RBFOX3: variants seen among roughly 807,000 people sequenced by gnomAD.
RBFOX3 encodes RNA binding fox-1 homolog 3.
Under a neutral mutation model 48.7 loss-of-function variants are expected in RBFOX3, and 17 were observed. The ratio of observed to expected loss-of-function variants is 0.35; its 90% CI spans 0.24 to 0.52. The LOEUF is 0.52. Among genes scored for constraint, RBFOX3 ranks in the 20% least tolerant of loss-of-function variants. The pLI is 0.94. For synonymous variants in RBFOX3, 212 were observed against 209.5 expected (o/e 1.01, Z -0.10); for missense variants, 382 against 497.5 (o/e 0.77, Z 2.21).
At position 79,198,043 on chromosome 17, in the gene RBFOX3, T is replaced by C. The variant is rs775187559; in HGVS notation, c.-34+37723A>G. 3.3e-5 allele frequency among the ~76,000 whole-genome samples: 5 copies of C among 151,248 alleles called. No individual in the cohort carries two copies. Among genetic ancestry groups the C allele is most frequent in the Non-Finnish European group, 7.4e-5 (5 of 67,972 alleles). ...AGTGAATCCATCCCGAGTGCCTCTG[T>C]CTGCGTCAGGAGAGTCGTGTGGGGT... On this transcript the variant is annotated intron_variant, in intron 4 of 14. Transcript: ENST00000693108. The surrounding 1 kb of genome is among the most constrained non-coding windows in gnomAD (Gnocchi z 8.2).
chr17:79,610,589 G>A (rs2093950634), intron 1 of RBFOX3, among the ~76,000 whole-genome samples: 1 of 151,962 alleles, frequency 6.6e-6, no homozygotes, highest in South Asian at 2.1e-4. Flanking sequence ...GCCGGACAGA[G>A]CGTCCAGACC....
At chr17:79,461,523 T>C (rs880003074) in intron 2 of RBFOX3, among the ~76,000 whole-genome samples, 3 of 152,234 alleles carry the variant, frequency 2.0e-5, no homozygotes, top group Non-Finnish European at 2.9e-5. Context: ...CTACATCTTA[T>C]CCTTTCTATG....
At chr17:79,216,152 G>A (rs2059012951) in intron 4 of RBFOX3, among the ~76,000 whole-genome samples, 1 of 152,266 alleles carries the variant, frequency 6.6e-6, no homozygotes, top group African/African-American at 2.4e-5. Context: ...TTGGTGACCT[G>A]GATATGTCAC....
At position 79,138,826 on chromosome 17, in the gene RBFOX3, C is replaced by CCCACACACATGCGTTCACACCCCCTT. The variant is rs1568207151; in HGVS notation, c.-33-23079_-33-23078insAAGGGGGTGTGAACGCATGTGTGTGG. Among the ~76,000 whole-genome samples, 8 of 128,714 alleles carry CCCACACACATGCGTTCACACCCCCTT rather than the reference C, an allele frequency of 6.2e-5. No homozygotes were observed. In the South Asian group the frequency reaches 2.4e-3, roughly 39 times the overall value. 84.4% of individuals were successfully genotyped at this position (128,714 alleles called of 152,430 possible). On this transcript the variant is annotated intron_variant, in intron 4 of 14. Coordinates refer to ENST00000693108, the MANE Select transcript of RBFOX3 (RefSeq NM_001350451.2). ...CCACACACATGCGTTCACACCCCCTCACCCACACACATGCACACAGCACAT... is the reference window on the plus strand; with the variant it reads ...CCACACACATGCGTTCACACCCCCTCCCACACACATGCGTTCACACCCCCTTACCCACACACATGCACACAGCACAT...
In RBFOX3 at chr17:79,151,986, C is replaced by A; in HGVS notation, c.-33-36238G>T. Reference sequence around the variant, plus strand: ...AGGGGGAGCTCCCACATCCCCCATCCCCAAGGCCCCCTGTCCCGCAGGGGA... The same window carrying A: ...AGGGGGAGCTCCCACATCCCCCATCACCAAGGCCCCCTGTCCCGCAGGGGA... On this transcript the variant is annotated intron_variant, in intron 4 of 14. Coordinates refer to ENST00000693108, the MANE Select transcript of RBFOX3 (RefSeq NM_001350451.2). 1.3e-5 allele frequency among the ~76,000 whole-genome samples: 2 copies of A among 151,326 alleles called. 1 individual carries two copies. The highest frequency in any genetic ancestry group is 3.0e-5 in the Non-Finnish European group (2 of 67,728).
chr17:79,538,978 G>A (rs373096978), intron 1 of RBFOX3, among the ~76,000 whole-genome samples: 24 of 152,106 alleles, frequency 1.6e-4, no homozygotes, highest in African/African-American at 5.1e-4. Flanking sequence ...GTAAACACAC[G>A]AAAAATACTC....
intron 3 of RBFOX3, among the ~76,000 whole-genome samples, chr17:79,264,975 G>C (rs1024584036): frequency 9.9e-5 from 15 of 151,878 alleles, no homozygotes; most frequent in African/African-American, 2.2e-4. Context: ...AGGGGGGGGG[G>C]GCGCAGATTT....
chr17:79,149,123 C>T (rs1413979356), intron 4 of RBFOX3, among the ~76,000 whole-genome samples: 3 of 152,206 alleles, frequency 2.0e-5, no homozygotes, highest in Non-Finnish European at 4.4e-5. Context: ...TGGAGGCTCC[C>T]GCAGCACCCA....
intron 3 of RBFOX3, among the ~76,000 whole-genome samples, chr17:79,266,579 G>A (rs73999941): frequency 0.013 from 2,047 of 152,206 alleles, 47 homozygotes; most frequent in African/African-American, 0.047. Flanking sequence ...GTGCCAGGAC[G>A]GTCTTTAGAA....
intron 2 of RBFOX3, among the ~76,000 whole-genome samples, chr17:79,455,733 G>A (rs756484198): frequency 4.6e-5 from 7 of 152,032 alleles, no homozygotes; most frequent in East Asian, 1.9e-4. Context: ...TCAGACGGAC[G>A]CAGACATTCA....
In RBFOX3 at chr17:79,605,294, C is replaced by T. The variant is rs1449536672; in HGVS notation, c.-320+5532G>A. On this transcript the variant is annotated intron_variant, in intron 1 of 14. Coordinates refer to ENST00000693108, the MANE Select transcript of RBFOX3 (RefSeq NM_001350451.2). ...GATACATGTTATGATCTCAACTGGGCCCCCAAACAAGGACTTGAAACTGTT... is the reference window on the plus strand; with the variant it reads ...GATACATGTTATGATCTCAACTGGGTCCCCAAACAAGGACTTGAAACTGTT... 2.6e-5 allele frequency among the ~76,000 whole-genome samples: 4 copies of T among 152,176 alleles called. No individual in the cohort carries two copies. The East Asian group carries it at 7.7e-4, about 29-fold the overall frequency.
intron 4 of RBFOX3, among the ~76,000 whole-genome samples, chr17:79,226,179 G>C (rs748761454): frequency 9.2e-5 from 14 of 152,218 alleles, no homozygotes; most frequent in Admixed American, 7.8e-4. Context: ...GGAGTAATGA[G>C]AGTGGGCAGG....
At chr17:79,643,799 G>A in the RBFOX3 span, among the ~76,000 whole-genome samples, 7 of 152,074 alleles carry the variant, frequency 4.6e-5, 1 homozygote, top group Non-Finnish European at 1.0e-4. Context: ...ATAAAGCTTA[G>A]AGAAAATTTG....
chr17:79,650,862 C>T, the RBFOX3 span, among the ~76,000 whole-genome samples: 202 of 152,300 alleles, frequency 1.3e-3, 1 homozygote, highest in Non-Finnish European at 2.1e-3. Context: ...GTGGCACCAG[C>T]ATCTCCATGC....
At chr17:79,409,340 T>C (rs906450912) in intron 2 of RBFOX3, among the ~76,000 whole-genome samples, 2 of 152,238 alleles carry the variant, frequency 1.3e-5, no homozygotes, top group Admixed American at 6.5e-5. Context: ...GAGCCCCCAC[T>C]GCAGTCTTTT....
At chr17:79,449,328 C>A (rs369579485) in intron 2 of RBFOX3, among the ~76,000 whole-genome samples, 1 of 152,018 alleles carries the variant, frequency 6.6e-6, no homozygotes, top group Non-Finnish European at 1.5e-5. Context: ...TCTGCCCCCA[C>A]GATCCTTCCT....
chr17:79,635,839 A>G, the RBFOX3 span, among the ~76,000 whole-genome samples: 1 of 152,254 alleles, frequency 6.6e-6, no homozygotes, highest in African/African-American at 2.4e-5. Context: ...CTCATTCATC[A>G]TTAAAGAAAT....
At chr17:79,248,706 T>C (rs138960685) in intron 3 of RBFOX3, among the ~76,000 whole-genome samples, 72 of 152,250 alleles carry the variant, frequency 4.7e-4, no homozygotes, top group African/African-American at 1.7e-3. Flanking sequence ...CCCACAACCC[T>C]ATCGGGGGGT....
At chr17:79,557,647 A>G (rs1232629571) in intron 1 of RBFOX3, among the ~76,000 whole-genome samples, 3 of 152,122 alleles carry the variant, frequency 2.0e-5, no homozygotes, top group Non-Finnish European at 4.4e-5. Context: ...ACGAGTCTGA[A>G]GAAATGTTCT....
Sources: gnomAD v4.1 joint callset for allele counts (sites outside exome capture counted in the v4.1 genomes callset) on GRCh38, gnomAD v4.1.1 for gene constraint, Gnocchi (gnomAD v3.1) non-coding constraint, MANE v1.5 for transcripts, NCBI Gene and HGNC (gene_info 2026-07-23, HGNC 2026-07-21) for gene names.